PPP4R2: variants seen among roughly 807,000 people sequenced by gnomAD.
The protein encoded by PPP4R2 is serine/threonine-protein phosphatase 4 regulatory subunit 2.
PPP4R2 carries 13 observed loss-of-function variants against 47.2 expected under a neutral mutation model. The ratio of observed to expected loss-of-function variants is 0.28; its 90% CI spans 0.18 to 0.44. The LOEUF (loss-of-function observed/expected upper bound fraction) is 0.44. Ranked by LOEUF, PPP4R2 falls within the 20% of genes least tolerant of loss-of-function variation. The pLI, the probability that PPP4R2 is intolerant of heterozygous loss-of-function variation, is 1.00. For missense variants in PPP4R2, 421 were observed against 491.2 expected, an observed-to-expected ratio of 0.86 and a Z score of 1.35; for synonymous variants, 151 against 163.3, an observed-to-expected ratio of 0.92 and a Z score of 0.57.
Position 73,015,755 on chromosome 3 carries a change from A to G in PPP4R2, c.116+17597A>G, listed in dbSNP as rs769068708. ...TGGGTTCATGCCATTGTCCTGCCTT[A>G]TCCTCCTGAGTAGCTGGGACTACAG... is the stretch of plus-strand genomic sequence containing the variant. On this transcript the variant is annotated intron_variant, in intron 2 of 8. Transcript: ENST00000356692. The G allele has an allele frequency of 2.3e-5, 10 of 435,230 alleles. No individual in the cohort carries two copies. In the East Asian group the frequency reaches 8.5e-4, roughly 37 times the overall value. The allele number at this position is 435,230 out of a possible 1,614,324, so 27.0% of individuals were successfully genotyped here.
chr3:73,004,897 TTTGAGTCGGAGTCA>T (rs1197553861), intron 2 of PPP4R2, among the ~76,000 whole-genome samples: 247 of 144,222 alleles, frequency 1.7e-3, no homozygotes, highest in African/African-American at 6.1e-3. Context: ...GTGTGTGTGT[TTTGAGTCGGAGTCA>T]TGTGTGTGTG....
chr3:73,060,913 T>C, intron 4 of PPP4R2, 110 bp from the exon 5 acceptor site: 1 of 646,824 alleles, frequency 1.5e-6, no homozygotes, highest in Non-Finnish European at 2.5e-6. Context: ...CTAGCAAAAT[T>C]AGAATCAATG....
At chr3:73,034,453 C>G (rs1295119661) in intron 2 of PPP4R2, among the ~76,000 whole-genome samples, 4 of 152,202 alleles carry the variant, frequency 2.6e-5, no homozygotes, top group Non-Finnish European at 5.9e-5. Context: ...TCTTAGTCTT[C>G]AAGAATCCTA....
chr3:73,008,975 G>A (rs1350579478), intron 2 of PPP4R2, among the ~76,000 whole-genome samples: 1 of 152,184 alleles, frequency 6.6e-6, no homozygotes, highest in Non-Finnish European at 1.5e-5. Context: ...TATTTAAAGG[G>A]ATGTTGTGGG....
intron 2 of PPP4R2, among the ~76,000 whole-genome samples, chr3:73,022,121 T>G (rs1453542576): frequency 5.3e-5 from 8 of 152,032 alleles, no homozygotes; most frequent in Non-Finnish European, 7.4e-5. Context: ...GGTCTCGAAC[T>G]CCTGACTTCA....
chr3:73,064,036 A>G lies in PPP4R2; in HGVS notation c.528A>G (p.Pro176=), dbSNP rs9823669. ...SNINGPGTPR[P]LNRPKVSLSA... ...TAAATGGGCCTGGGACACCCAGGCCACTTAATCGACCAAAGGTTTCTTTGT... is the reference window on the plus strand; with the variant it reads ...TAAATGGGCCTGGGACACCCAGGCCGCTTAATCGACCAAAGGTTTCTTTGT... Residue 176 remains proline (P), a synonymous_variant, in exon 7 of 9, where the codon CCA becomes CCG. Coordinates refer to ENST00000356692, the MANE Select transcript of PPP4R2 (RefSeq NM_174907.4). 4,824 of 1,612,214 alleles carry G rather than the reference A, an allele frequency of 3.0e-3. 122 individuals carry two copies. The African/African-American group carries it at 0.055, about 18-fold the overall frequency.
chr3:73,028,131 C>G (rs1466530178), intron 2 of PPP4R2, among the ~76,000 whole-genome samples: 3 of 151,636 alleles, frequency 2.0e-5, no homozygotes, highest in Non-Finnish European at 4.4e-5. Flanking sequence ...GTGGCACACG[C>G]CTGTCATCCT....
chr3:73,028,363 T>C (rs1702107987), intron 2 of PPP4R2, among the ~76,000 whole-genome samples: 1 of 150,346 alleles, frequency 6.7e-6, no homozygotes, highest in Admixed American at 6.6e-5. Context: ...TTAAATAAGA[T>C]GGTCAGGGGA....
chr3:73,040,138 C>T (rs768397149), intron 2 of PPP4R2, among the ~76,000 whole-genome samples: 1 of 152,172 alleles, frequency 6.6e-6, no homozygotes, highest in Non-Finnish European at 1.5e-5. Context: ...ACACATAAAA[C>T]AAGTGTCTTG....
At chr3:73,037,571 A>G (rs1702290364) in intron 2 of PPP4R2, among the ~76,000 whole-genome samples, 2 of 152,228 alleles carry the variant, frequency 1.3e-5, no homozygotes, top group African/African-American at 2.4e-5. Context: ...AATATCCTAC[A>G]GTGCACACAG....
intron 2 of PPP4R2, among the ~76,000 whole-genome samples, chr3:73,017,738 T>G (rs1481736401): frequency 1.3e-5 from 2 of 152,146 alleles, no homozygotes; most frequent in African/African-American, 4.8e-5. Flanking sequence ...ACCAGCTTTT[T>G]TTTTTTGAGA....
intron 2 of PPP4R2, among the ~76,000 whole-genome samples, chr3:73,027,401 C>T (rs1348835167): frequency 1.3e-5 from 2 of 152,226 alleles, no homozygotes; most frequent in African/African-American, 4.8e-5. Flanking sequence ...GCTGGGATTA[C>T]AGGCGTGAGC....
At chr3:73,040,168 AT>A (rs1702347491) in intron 2 of PPP4R2, among the ~76,000 whole-genome samples, 2 of 152,240 alleles carry the variant, frequency 1.3e-5, no homozygotes, top group South Asian at 4.1e-4. Context: ...TCAGGTAAAA[AT>A]ATTCCATTTC....
At chr3:73,043,212 A>G (rs1466356835) in intron 2 of PPP4R2, among the ~76,000 whole-genome samples, 1 of 152,212 alleles carries the variant, frequency 6.6e-6, no homozygotes, top group African/African-American at 2.4e-5. Context: ...GCATGTGGAG[A>G]GTCTCATAAA....
intron 2 of PPP4R2, among the ~76,000 whole-genome samples, chr3:73,041,020 C>G (rs907114009): frequency 6.4e-5 from 9 of 141,520 alleles, no homozygotes; most frequent in African/African-American, 2.4e-4. Context: ...TGGATACATA[C>G]TTCTATGTCT....
chr3:73,020,308 C>G (rs1397794264), intron 2 of PPP4R2, among the ~76,000 whole-genome samples: 3 of 152,092 alleles, frequency 2.0e-5, no homozygotes, highest in African/African-American at 7.2e-5. Context: ...CTGTCCTCAG[C>G]CTCCTGAGTA....
chr3:73,055,876 G>A (rs977363488), intron 3 of PPP4R2, among the ~76,000 whole-genome samples: 10 of 152,046 alleles, frequency 6.6e-5, no homozygotes, highest in African/African-American at 2.4e-4. Context: ...AAAGTCCTGG[G>A]ATTACAGGCG....
intron 4 of PPP4R2, among the ~76,000 whole-genome samples, chr3:73,059,751 A>G (rs1290029479): frequency 3.3e-5 from 5 of 152,030 alleles, no homozygotes; most frequent in African/African-American, 7.2e-5. Context: ...GCTGGCCAAC[A>G]TGGTGAAACC....
rs779440172 is a variant in PPP4R2 at position 73,061,017 on chromosome 3, T to C, written c.382-6T>C. 11 of 1,553,056 alleles carry C rather than the reference T, an allele frequency of 7.1e-6. No individual in the cohort carries two copies. Among genetic ancestry groups the C allele is most frequent in the South Asian group, 3.7e-5 (3 of 80,786 alleles). On this transcript the variant is annotated splice_polypyrimidine_tract_variant and splice_region_variant and intron_variant, in intron 4 of 8. Coordinates refer to ENST00000356692, the MANE Select transcript of PPP4R2 (RefSeq NM_174907.4). ...CATACTAAATCACTGATTTTTGTTA[T>C]TGCAGAATGTGATGGTTGTTAGCTG...
Sources: allele counts gnomAD v4.1 joint callset (sites outside exome capture counted in the v4.1 genomes callset), GRCh38; gene constraint gnomAD v4.1.1; transcripts MANE v1.5; gene names NCBI Gene and HGNC (gene_info 2026-07-23, HGNC 2026-07-21).